The following RASAL2 variants were observed in gnomAD, a reference collection of about 807,000 sequenced individuals.
RASAL2 encodes the protein RAS protein activator like 2.
RASAL2 carries 58 observed loss-of-function variants against 128.9 expected under a neutral mutation model. That is an observed-to-expected ratio of 0.45 (90% CI 0.36 to 0.56). RASAL2 has a LOEUF of 0.56. Ranked by LOEUF, RASAL2 falls within the 20% of genes least tolerant of loss-of-function variation. RASAL2 has a pLI of 0.00. For synonymous variants in RASAL2, 561 were observed against 580.8 expected, an observed-to-expected ratio of 0.97 and a Z score of 0.49; for missense variants, 1,360 against 1,601.6, an observed-to-expected ratio of 0.85 and a Z score of 2.57.
At chr1:178,374,523 G>A (rs186016509) in intron 3 of RASAL2, among the ~76,000 whole-genome samples, 44 of 152,228 alleles carry the variant, frequency 2.9e-4, no homozygotes, top group African/African-American at 7.0e-4. Context: ...CCTAACTGAT[G>A]TTCAGGCCTT....
At chr1:178,429,090 C>T (rs1236585071) in intron 5 of RASAL2, among the ~76,000 whole-genome samples, 1 of 152,086 alleles carries the variant, frequency 6.6e-6, no homozygotes, top group Non-Finnish European at 1.5e-5. Context: ...GAGCTCTCAC[C>T]TATGGTTTCA....
intron 14 of RASAL2, among the ~76,000 whole-genome samples, chr1:178,462,575 CTA>C (rs1054068592): frequency 4.9e-4 from 74 of 152,166 alleles, no homozygotes; most frequent in Middle Eastern, 3.4e-3. Flanking sequence ...AGCACAATAA[CTA>C]TTTTTTATTT....
At chr1:178,422,293 A>T (rs1049885187) in intron 5 of RASAL2, among the ~76,000 whole-genome samples, 1 of 152,076 alleles carries the variant, frequency 6.6e-6, no homozygotes, top group African/African-American at 2.4e-5. Flanking sequence ...TATTTCTATT[A>T]TATAGTTACT....
intron 1 of RASAL2, among the ~76,000 whole-genome samples, chr1:178,236,171 C>G (rs542213716): frequency 6.6e-6 from 1 of 151,884 alleles, no homozygotes; most frequent in Non-Finnish European, 1.5e-5. Context: ...AGGATCTGAC[C>G]CAGTGTGGTC....
intron 1 of RASAL2, among the ~76,000 whole-genome samples, chr1:178,100,953 T>A (rs1257035695): frequency 6.6e-6 from 1 of 152,236 alleles, no homozygotes; most frequent in Non-Finnish European, 1.5e-5. Flanking sequence ...AGGGCACTGC[T>A]AAAATTGCTT....
chr1:178,453,994 C>G (rs991906997), intron 11 of RASAL2, among the ~76,000 whole-genome samples: 1 of 151,852 alleles, frequency 6.6e-6, no homozygotes, highest in Non-Finnish European at 1.5e-5. Context: ...CTAGGCCCTG[C>G]AGATAGCTAG....
At chr1:178,117,712 G>A (rs1326958305) in intron 1 of RASAL2, among the ~76,000 whole-genome samples, 3 of 152,206 alleles carry the variant, frequency 2.0e-5, no homozygotes, top group Non-Finnish European at 4.4e-5. Flanking sequence ...CACTGTCCAT[G>A]AAGCAGAAAG....
chr1:178,297,119 T>C (rs1371784385), intron 2 of RASAL2, among the ~76,000 whole-genome samples: 2 of 152,114 alleles, frequency 1.3e-5, no homozygotes, highest in Non-Finnish European at 2.9e-5. Context: ...AGGAATTCAG[T>C]ATAAACAAGT....
intron 4 of RASAL2, among the ~76,000 whole-genome samples, chr1:178,398,652 T>A (rs534361338): frequency 2.2e-4 from 33 of 152,200 alleles, no homozygotes; most frequent in Non-Finnish European, 4.6e-4. Flanking sequence ...CTCATAGTAA[T>A]TTAAACTCAG....
chr1:178,128,843 T>C (rs150758896), intron 1 of RASAL2, among the ~76,000 whole-genome samples: 25 of 152,250 alleles, frequency 1.6e-4, no homozygotes, highest in African/African-American at 6.0e-4. Context: ...TCATCCATGT[T>C]GTAACGTGAA....
chr1:178,280,082 G>A (rs1433792795), intron 1 of RASAL2, among the ~76,000 whole-genome samples: 1 of 152,126 alleles, frequency 6.6e-6, no homozygotes. Flanking sequence ...TTTGGTTTCA[G>A]ATTACACATT....
intron 5 of RASAL2, among the ~76,000 whole-genome samples, chr1:178,435,856 A>T (rs772927852): frequency 6.1e-4 from 93 of 152,176 alleles, no homozygotes; most frequent in Non-Finnish European, 1.1e-3. Flanking sequence ...TAGTCAAGGG[A>T]TTCACAAAGT....
intron 5 of RASAL2, among the ~76,000 whole-genome samples, 195 bp from the exon 6 acceptor site, chr1:178,439,227 T>A (rs767230216): frequency 2.0e-5 from 3 of 152,078 alleles, no homozygotes; most frequent in Non-Finnish European, 2.9e-5. Flanking sequence ...TGCACTCACA[T>A]AGATATATAG....
At chr1:178,196,165 A>G (rs748716656) in intron 1 of RASAL2, among the ~76,000 whole-genome samples, 12 of 152,152 alleles carry the variant, frequency 7.9e-5, no homozygotes, top group Non-Finnish European at 1.6e-4. Flanking sequence ...TCCTTGGGGT[A>G]CTTCTTCTCA....
chr1:178,299,288 G>T (rs534945663), intron 2 of RASAL2, among the ~76,000 whole-genome samples: 1 of 152,144 alleles, frequency 6.6e-6, no homozygotes, highest in East Asian at 1.9e-4. Flanking sequence ...ATTTTGAGGC[G>T]AAGTCTTTCT....
chr1:178,187,039 G>A (rs1055463468), intron 1 of RASAL2, among the ~76,000 whole-genome samples: 15 of 152,004 alleles, frequency 9.9e-5, no homozygotes, highest in Admixed American at 9.8e-4. Context: ...TGTTGCCCAG[G>A]TTGGTCTCGA....
intron 4 of RASAL2, among the ~76,000 whole-genome samples, chr1:178,403,351 G>A (rs772891559): frequency 6.6e-6 from 1 of 152,030 alleles, no homozygotes; most frequent in South Asian, 2.1e-4. Flanking sequence ...CTGCAAATAC[G>A]TATTAAGTAG....
rs1676789213 is a variant in RASAL2, at chr1:178,443,170, A to C, written c.1423A>C (p.Asn475His). Residue 475 changes from asparagine to histidine, a missense_variant, in exon 8 of 18, where the codon AAT (asparagine) becomes CAT (histidine). Transcript: ENST00000367649. Reference protein sequence around the residue: ...SVLEPVISVRNKEELACALVH... With the variant: ...SVLEPVISVRHKEELACALVH... ...CCTTGAGCCAGTAATTAGTGTGAGA[A>C]ATAAAGAGGAGTTGGCTTGTGCCTT... is the stretch of plus-strand genomic sequence containing the variant. The C allele has an allele frequency of 6.2e-7, 1 of 1,613,682 alleles. No homozygotes were observed. Among genetic ancestry groups the C allele is most frequent in the African/African-American group, 1.3e-5 (1 of 74,926 alleles).
At chr1:178,339,090 A>G (rs1383864679) in intron 3 of RASAL2, among the ~76,000 whole-genome samples, 1 of 152,226 alleles carries the variant, frequency 6.6e-6, no homozygotes, top group Non-Finnish European at 1.5e-5. Context: ...ACTTGAGGAC[A>G]GGGGCCATAG....
Sources: gnomAD v4.1 joint callset for allele counts (sites outside exome capture counted in the v4.1 genomes callset) on GRCh38, gnomAD v4.1.1 for gene constraint, MANE v1.5 for transcripts, NCBI Gene and HGNC (gene_info 2026-07-23, HGNC 2026-07-21) for gene names.